Variants in PRRC2B observed in about 807,000 individuals in gnomAD.
PRRC2B encodes the protein protein PRRC2B.
In PRRC2B, 68 loss-of-function variants were observed where a neutral mutation model predicts 242.3. That is an observed-to-expected ratio of 0.28 (90% CI 0.23 to 0.34). The LOEUF (loss-of-function observed/expected upper bound fraction) is 0.34, where lower values mean the gene tolerates loss of function less well. PRRC2B is among the 10% of genes least tolerant of loss of function. The probability of loss-of-function intolerance (pLI) is 1.00; values close to 1 mark genes in which losing one functional copy is unlikely to be tolerated. For missense variants in PRRC2B, 2,835 were observed against 2,954.8 expected, an observed-to-expected ratio of 0.96 and a Z score of 0.94; for synonymous variants, 1,228 against 1,173.6, an observed-to-expected ratio of 1.05 and a Z score of -0.95.
intron 19 of PRRC2B, 102 bp downstream of exon 19, chr9:131,479,495 G>C: frequency 8.7e-7 from 1 of 1,144,712 alleles, no homozygotes; most frequent in South Asian, 1.5e-5. Flanking sequence ...GAATATAGAT[G>C]GAATACAGAT....
intron 2 of PRRC2B, among the ~76,000 whole-genome samples, chr9:131,431,541 A>G (rs1173103045): frequency 6.6e-6 from 1 of 151,806 alleles, no homozygotes. Context: ...CTGGGATTAC[A>G]GGCATGAGCC....
intron 19 of PRRC2B, among the ~76,000 whole-genome samples, chr9:131,481,179 G>A (rs779583755): frequency 4.4e-4 from 67 of 151,444 alleles, no homozygotes; most frequent in Admixed American, 1.1e-3. Flanking sequence ...GCGTGGTGGC[G>A]GGCACCTATA....
At chr9:131,469,592 G>C (rs965224167) in intron 13 of PRRC2B, among the ~76,000 whole-genome samples, 1 of 152,216 alleles carries the variant, frequency 6.6e-6, no homozygotes, top group Admixed American at 6.5e-5. Context: ...ATGTGCTGTA[G>C]ACTGCCAGGC....
intron 1 of PRRC2B, among the ~76,000 whole-genome samples, chr9:131,411,532 G>C (rs1203187555): frequency 6.6e-6 from 1 of 151,464 alleles, no homozygotes; most frequent in Non-Finnish European, 1.5e-5. Context: ...ATTTTTAGTA[G>C]AGACAGGGTT....
intron 1 of PRRC2B, among the ~76,000 whole-genome samples, chr9:131,414,245 A>G (rs532739446): frequency 6.6e-6 from 1 of 151,474 alleles, no homozygotes; most frequent in East Asian, 2.0e-4. Flanking sequence ...CACAAATCAT[A>G]TCGAGAAATC....
At chr9:131,384,146 G>A (rs1259460977) in intron 1 of PRRC2B, among the ~76,000 whole-genome samples, 1 of 136,514 alleles carries the variant, frequency 7.3e-6, no homozygotes, top group Non-Finnish European at 1.5e-5. Context: ...CTGGAGTGCA[G>A]TGGCACGATC....
Position 131,495,896 on chromosome 9 carries a change from C to T in PRRC2B, c.*22C>T. ...CTGACAGTGCCTGGCTGCCACCTCGCCTCTCCCTACTGAGGACGGTGCCGC... is the reference window on the plus strand; with the variant it reads ...CTGACAGTGCCTGGCTGCCACCTCGTCTCTCCCTACTGAGGACGGTGCCGC... On this transcript the variant is annotated 3_prime_UTR_variant, in exon 32 of 32. Coordinates refer to ENST00000683519, the MANE Select transcript of PRRC2B (RefSeq NM_013318.4). The T allele has an allele frequency of 6.3e-7, 1 of 1,596,528 alleles. No individual in the cohort carries two copies. The highest frequency in any genetic ancestry group is 1.1e-5 in the South Asian group (1 of 90,782).
intron 9 of PRRC2B, among the ~76,000 whole-genome samples, chr9:131,452,641 G>A (rs1293159257): frequency 6.6e-6 from 1 of 151,404 alleles, no homozygotes. Context: ...TAATCTTTAC[G>A]AAGCAGCAGC....
At chr9:131,404,202 A>T (rs897809268) in intron 1 of PRRC2B, among the ~76,000 whole-genome samples, 1 of 150,916 alleles carries the variant, frequency 6.6e-6, no homozygotes, top group Non-Finnish European at 1.5e-5. Context: ...CATGGTTTAG[A>T]TATTCCCAGT....
chr9:131,390,781 CTTT>C (rs57100225), upstream of PRRC2B, among the ~76,000 whole-genome samples: 22 of 36,966 alleles, frequency 6.0e-4, no homozygotes, highest in South Asian at 3.6e-3. Context: ...TGTGCCCTAG[CTTT>C]TTTTTTTTTT....
intron 5 of PRRC2B, among the ~76,000 whole-genome samples, chr9:131,441,553 T>A (rs1466175257): frequency 6.6e-6 from 1 of 151,790 alleles, no homozygotes; most frequent in Non-Finnish European, 1.5e-5. Context: ...ACAAAGAAAA[T>A]AATTGCAGGC....
intron 19 of PRRC2B, among the ~76,000 whole-genome samples, chr9:131,481,161 T>TA (rs1943849658): frequency 6.6e-6 from 1 of 151,328 alleles, no homozygotes. Context: ...CAACAAAAAA[T>TA]TAGCCGGGCG....
At chr9:131,401,010 G>A (rs1461938086) in intron 1 of PRRC2B, among the ~76,000 whole-genome samples, 1 of 148,506 alleles carries the variant, frequency 6.7e-6, no homozygotes, top group Non-Finnish European at 1.5e-5. Context: ...TGCCTAGGCT[G>A]GAGAGCAATG....
chr9:131,393,616 C>T (rs561651501), upstream of PRRC2B, among the ~76,000 whole-genome samples: 2 of 152,238 alleles, frequency 1.3e-5, no homozygotes, highest in Non-Finnish European at 2.9e-5. Flanking sequence ...AAAATCCGGG[C>T]TTAGTCTGTT....
Position 131,464,904 on chromosome 9 carries a change from C to G in PRRC2B, c.1546C>G (p.Arg516Gly). ...ARKRREEEER[R>G]AREERLAACA... The stretch of plus-strand genomic sequence containing the variant: ...AAAGCGCCGGGAAGAAGAGGAGCGC[C>G]GAGCCCGGGAGGAGAGGCTGGCCGC... The change falls in exon 12 of 32, where the codon CGA becomes GGA. Residue 516 changes from arginine (R) to glycine (G), a missense_variant. By Grantham distance (125) the Arg-to-Gly change is moderately radical (BLOSUM62 -2). Transcript: ENST00000683519. 1 of 1,613,750 alleles carries G rather than the reference C, an allele frequency of 6.2e-7. No individual in the cohort carries two copies. Among genetic ancestry groups the G allele is most frequent in the Non-Finnish European group, 8.5e-7 (1 of 1,179,820 alleles).
chr9:131,439,900 AT>A (rs11326366), intron 5 of PRRC2B, among the ~76,000 whole-genome samples: 129,855 of 144,290 alleles, frequency 0.9, 57,893 homozygotes, highest in East Asian at 0.99. Context: ...CATCTGGCTG[AT>A]TTTTTTTTTT....
At chr9:131,465,191 T>C in intron 12 of PRRC2B, 113 bp downstream of exon 12, 1 of 1,049,362 alleles carries the variant, frequency 9.5e-7, no homozygotes, top group Admixed American at 2.8e-5. Context: ...TACAACGAGA[T>C]CGTATTGGGA....
At chr9:131,435,221 C>T (rs1441200601) in intron 3 of PRRC2B, among the ~76,000 whole-genome samples, 1 of 151,690 alleles carries the variant, frequency 6.6e-6, no homozygotes, top group Non-Finnish European at 1.5e-5. Flanking sequence ...TTGCTTGAAC[C>T]CGGGAGGCAG....
At chr9:131,416,796 C>T (rs1323380008) in intron 1 of PRRC2B, among the ~76,000 whole-genome samples, 3 of 152,036 alleles carry the variant, frequency 2.0e-5, no homozygotes, top group Non-Finnish European at 2.9e-5. Flanking sequence ...CATGATTATC[C>T]TGAGGTTATG....
Sources: gnomAD v4.1 joint callset for allele counts (sites outside exome capture counted in the v4.1 genomes callset) on GRCh38, gnomAD v4.1.1 for gene constraint, MANE v1.5 for transcripts, NCBI Gene and HGNC (gene_info 2026-07-23, HGNC 2026-07-21) for gene names.